GLIS3: variants seen among roughly 807,000 people sequenced by gnomAD.
GLIS3 encodes the protein zinc finger protein GLIS3.
Under a neutral mutation model 78.6 loss-of-function variants are expected in GLIS3, and 53 were observed. The observed-to-expected ratio is 0.67, with a 90% CI of 0.54 to 0.85. The LOEUF (loss-of-function observed/expected upper bound fraction) is 0.85, where lower values mean the gene tolerates loss of function less well. Among genes scored for constraint, GLIS3 ranks in the 40% least tolerant of loss-of-function variants. GLIS3 has a pLI of 0.00. For missense variants in GLIS3, 1,703 were observed against 1,231.1 expected (o/e 1.38, Z -5.74); for synonymous variants, 684 against 509.9 (o/e 1.34, Z -4.60).
At chr9:3,952,895 T>G (rs912882501) in intron 4 of GLIS3, among the ~76,000 whole-genome samples, 1 of 152,176 alleles carries the variant, frequency 6.6e-6, no homozygotes, top group African/African-American at 2.4e-5. Flanking sequence ...ACACTTCGTT[T>G]AGCAAGGTCC....
chr9:4,112,736 G>A (rs1003385194), intron 4 of GLIS3, among the ~76,000 whole-genome samples: 3 of 152,106 alleles, frequency 2.0e-5, no homozygotes, highest in Admixed American at 1.3e-4. Flanking sequence ...GATAGTAATT[G>A]GCTTTCATTT....
chr9:3,931,293 A>T (rs1825595552), intron 6 of GLIS3, among the ~76,000 whole-genome samples: 1 of 152,160 alleles, frequency 6.6e-6, no homozygotes, highest in African/African-American at 2.4e-5. Flanking sequence ...AAGAAAAAAA[A>T]AATCTCAAGT....
Position 3,828,210 on chromosome 9 carries a change from G to A in GLIS3, c.*62C>T, listed in dbSNP as rs904137830. ...TTCCTCAAGCAGTCTGTGAGAGTAC[G>A]AAAACAAAAGGTGGCAAGCAACATC... On this transcript the variant is annotated 3_prime_UTR_variant, in exon 11 of 11. Coordinates refer to ENST00000381971, the MANE Select transcript of GLIS3 (RefSeq NM_001042413.2). 4.4e-6 allele frequency: 7 copies of A among 1,605,144 alleles called. No individual in the cohort carries two copies. Among genetic ancestry groups the A allele is most frequent in the East Asian group, 4.5e-5 (2 of 44,810 alleles).
chr9:4,078,661 T>C (rs1026669541), intron 4 of GLIS3, among the ~76,000 whole-genome samples: 8 of 152,224 alleles, frequency 5.3e-5, no homozygotes, highest in African/African-American at 1.9e-4. Context: ...GGTGCTGCCA[T>C]TCCTGCTGTT....
chr9:3,838,317 T>C (rs1020262966), intron 9 of GLIS3, among the ~76,000 whole-genome samples: 3 of 152,162 alleles, frequency 2.0e-5, no homozygotes, highest in Non-Finnish European at 2.9e-5. Flanking sequence ...ATCTTTCTTA[T>C]TTCCATACAC....
chr9:4,102,137 ATTC>A (rs958685452), intron 4 of GLIS3, among the ~76,000 whole-genome samples: 16 of 152,192 alleles, frequency 1.1e-4, no homozygotes, highest in African/African-American at 3.9e-4. Context: ...AGACACAACC[ATTC>A]TTCTAAGACA....
At chr9:4,442,747 T>C in the GLIS3 span, among the ~76,000 whole-genome samples, 1 of 152,186 alleles carries the variant, frequency 6.6e-6, no homozygotes, top group Non-Finnish European at 1.5e-5. Flanking sequence ...CCATTAGATT[T>C]CTTTACATGT....
At chr9:4,442,653 A>T in the GLIS3 span, among the ~76,000 whole-genome samples, 2 of 151,962 alleles carry the variant, frequency 1.3e-5, no homozygotes, top group Non-Finnish European at 2.9e-5. Flanking sequence ...TTAAATATAT[A>T]TATTTCAAAG....
intron 2 of GLIS3, among the ~76,000 whole-genome samples, chr9:4,171,938 A>G (rs1167301756): frequency 6.6e-6 from 1 of 152,136 alleles, no homozygotes; most frequent in East Asian, 1.9e-4. Flanking sequence ...GGCAGGATAT[A>G]TTTTTATTTT....
the GLIS3 span, among the ~76,000 whole-genome samples, chr9:4,445,517 C>T: frequency 6.6e-6 from 1 of 152,046 alleles, no homozygotes. Context: ...GCCTGTAGTC[C>T]CAGCTACTTG....
chr9:3,856,031 T>C lies in GLIS3; in HGVS notation c.2451A>G (p.Gln817=), dbSNP rs766607178. The C allele has an allele frequency of 6.2e-7, 1 of 1,614,164 alleles. No homozygotes were observed. The highest frequency in any genetic ancestry group is 8.5e-7 in the Non-Finnish European group (1 of 1,179,990). The change falls in exon 9 of 11, where the codon CAA becomes CAG. Residue 817 remains glutamine, a synonymous_variant. Coordinates refer to ENST00000381971, the MANE Select transcript of GLIS3 (RefSeq NM_001042413.2). ...SYQPETNSSF[Q]PNGIHVHGFY... is the part of the protein sequence containing the mutation. ...TACCATGGACATGGATACCATTTGG[T>C]TGAAAAGAAGAGTTTGTTTCTGGCT...
At chr9:4,420,251 G>A in the GLIS3 span, among the ~76,000 whole-genome samples, 2 of 152,222 alleles carry the variant, frequency 1.3e-5, no homozygotes, top group Non-Finnish European at 2.9e-5. Flanking sequence ...CAAGTCCACT[G>A]AGTGCCACAT....
At position 3,826,761 on chromosome 9, in the gene GLIS3, T is replaced by C. The variant is rs1480625148; in HGVS notation, c.*1511A>G. On this transcript the variant is annotated 3_prime_UTR_variant, in exon 11 of 11. Coordinates refer to ENST00000381971, the MANE Select transcript of GLIS3 (RefSeq NM_001042413.2). ...GCTGTTTTAGTTGTCTTGTTGAAGA[T>C]TGTAATGATCTCAGTTTGATAAATG... 2.0e-5 allele frequency: 3 copies of C among 152,234 alleles called. No individual in the cohort carries two copies. The highest frequency in any genetic ancestry group is 6.5e-5 in the Admixed American group (1 of 15,292). The allele number at this position is 152,234 out of a possible 1,614,324, so 9.4% of individuals were successfully genotyped here.
intron 2 of GLIS3, among the ~76,000 whole-genome samples, chr9:4,211,279 C>T (rs559665909): frequency 3.3e-5 from 5 of 152,314 alleles, no homozygotes; most frequent in African/African-American, 1.2e-4. Flanking sequence ...CTTGGCTCCA[C>T]TTTAATAAAA....
the GLIS3 span, among the ~76,000 whole-genome samples, chr9:4,463,140 C>T: frequency 8.5e-5 from 13 of 152,158 alleles, no homozygotes; most frequent in African/African-American, 2.7e-4. Context: ...TGTCACAGAA[C>T]GCAGTGAATA....
chr9:4,086,690 T>G (rs991739350), intron 4 of GLIS3, among the ~76,000 whole-genome samples: 2 of 152,226 alleles, frequency 1.3e-5, no homozygotes, highest in Non-Finnish European at 2.9e-5. Flanking sequence ...CATGTAAATG[T>G]ACCACTTGTC....
the GLIS3 span, among the ~76,000 whole-genome samples, chr9:4,375,915 A>G: frequency 3.9e-5 from 6 of 152,178 alleles, no homozygotes; most frequent in Admixed American, 6.6e-5. Flanking sequence ...TAGAATAACC[A>G]GTTTCTAGTG....
intron 4 of GLIS3, among the ~76,000 whole-genome samples, chr9:4,008,990 C>T (rs1221679907): frequency 1.3e-5 from 2 of 152,156 alleles, no homozygotes; most frequent in Non-Finnish European, 2.9e-5. Flanking sequence ...TTCTGCAGTG[C>T]ATGAGAGAGA....
intron 8 of GLIS3, among the ~76,000 whole-genome samples, chr9:3,860,272 CAAAAAAAAAAAAAAAAAA>C (rs59923144): frequency 1.9e-4 from 10 of 53,610 alleles, no homozygotes; most frequent in South Asian, 2.3e-3. Flanking sequence ...AAGACTCTGT[CAAAAAAAAAAAAAAAAAA>C]AAAAAAAAAA....
Sources: gnomAD v4.1 joint callset for allele counts (sites outside exome capture counted in the v4.1 genomes callset) on GRCh38, gnomAD v4.1.1 for gene constraint, MANE v1.5 for transcripts, NCBI Gene and HGNC (gene_info 2026-07-23, HGNC 2026-07-21) for gene names.